The following NDUFA8 variants were observed in gnomAD, a reference collection of about 807,000 sequenced individuals.
The protein encoded by NDUFA8 is NADH:ubiquinone oxidoreductase subunit A8, also known as NADH dehydrogenase [ubiquinone] 1 alpha subcomplex subunit 8.
Under a neutral mutation model 20.9 loss-of-function variants are expected in NDUFA8, and 16 were observed. The observed-to-expected ratio is 0.77, with a 90% CI of 0.52 to 1.16. NDUFA8 has a LOEUF of 1.16. Ranked by LOEUF, NDUFA8 falls within the 50% of genes most tolerant of loss-of-function variation. The probability of loss-of-function intolerance (pLI) is 0.00; values close to 1 mark genes in which losing one functional copy is unlikely to be tolerated. For synonymous variants in NDUFA8, 70 were observed against 76.1 expected (o/e 0.92, Z 0.41); for missense variants, 202 against 216.4 (o/e 0.93, Z 0.42).
Position 122,146,323 on chromosome 9 carries a change from A to G in NDUFA8, c.381+1789T>C, listed in dbSNP as rs537789985. Among the ~76,000 whole-genome samples, 33 of 152,312 alleles carry G rather than the reference A, an allele frequency of 2.2e-4. No individual in the cohort carries two copies. The South Asian group carries it at 6.6e-3, about 31-fold the overall frequency. Reference sequence around the variant, plus strand: ...TTTTTTTTTATCTCACAGAGTTTTAAAAAATGTTAATACAAAGATTCAAGA... The same window carrying G: ...TTTTTTTTTATCTCACAGAGTTTTAGAAAATGTTAATACAAAGATTCAAGA... On this transcript the variant is annotated intron_variant, in intron 3 of 3. Transcript: ENST00000373768.
chr9:122,143,968 AG>A (rs200513252), downstream of NDUFA8: 15 of 943,328 alleles, frequency 1.6e-5, no homozygotes, highest in East Asian at 5.9e-4. Flanking sequence ...GCAAAGCAAG[AG>A]GAACAGGCAG....
At chr9:122,136,757 A>C in the NDUFA8 span, among the ~76,000 whole-genome samples, 2 of 152,058 alleles carry the variant, frequency 1.3e-5, no homozygotes, top group African/African-American at 4.8e-5. Flanking sequence ...GGGTTTCACC[A>C]TGTTGCCCAG....
At chr9:122,135,556 A>G in the NDUFA8 span, among the ~76,000 whole-genome samples, 1 of 152,184 alleles carries the variant, frequency 6.6e-6, no homozygotes, top group East Asian at 1.9e-4. Context: ...AGGGAAGCAA[A>G]GAGCCCGGGT....
At chr9:122,133,464 C>A in the NDUFA8 span, among the ~76,000 whole-genome samples, 1 of 152,160 alleles carries the variant, frequency 6.6e-6, no homozygotes, top group Non-Finnish European at 1.5e-5. Context: ...AGGCTTGAGA[C>A]CTAGAATTAA....
At chr9:122,147,801 T>C (rs1289543738) in intron 3 of NDUFA8, among the ~76,000 whole-genome samples, 4 of 152,058 alleles carry the variant, frequency 2.6e-5, no homozygotes, top group Non-Finnish European at 4.4e-5. Context: ...TAATTTTTTG[T>C]ATTTTTAGTA....
At chr9:122,142,130 C>A (rs1296120356), downstream of NDUFA8, among the ~76,000 whole-genome samples, 1 of 152,182 alleles carries the variant, frequency 6.6e-6, no homozygotes, top group Non-Finnish European at 1.5e-5. Context: ...GATCTATGGA[C>A]CAGTGCCCTT....
chr9:122,156,949 G>A (rs1048262222), intron 1 of NDUFA8, among the ~76,000 whole-genome samples: 13 of 152,192 alleles, frequency 8.5e-5, no homozygotes, highest in African/African-American at 2.9e-4. Context: ...AGCTGCTACC[G>A]TGATCTCCCT....
At chr9:122,137,715 A>C in the NDUFA8 span, among the ~76,000 whole-genome samples, 8,304 of 152,292 alleles carry the variant, frequency 0.055, 747 homozygotes, top group African/African-American at 0.19. Flanking sequence ...TCAAGAAAAC[A>C]TGAAAACTCC....
chr9:122,158,191 G>A (rs974608849), intron 1 of NDUFA8, among the ~76,000 whole-genome samples: 6 of 152,022 alleles, frequency 3.9e-5, no homozygotes, highest in African/African-American at 1.4e-4. Context: ...ACATAGTGCC[G>A]GGTATATCAT....
At chr9:122,138,865 T>TGG in the NDUFA8 span, among the ~76,000 whole-genome samples, 14,003 of 88,630 alleles carry the variant, frequency 0.16, 1,367 homozygotes, top group East Asian at 0.19. Flanking sequence ...CAAGAAGAGG[T>TGG]GGGGGGGGGG....
At chr9:122,143,862 C>T (rs1297178846), downstream of NDUFA8, among the ~76,000 whole-genome samples, 3 of 152,108 alleles carry the variant, frequency 2.0e-5, no homozygotes, top group Non-Finnish European at 2.9e-5. Flanking sequence ...ACAGACACAC[C>T]CCAAGGAGCT....
In NDUFA8 at chr9:122,152,616, C is replaced by T. The variant is rs1009515564; in HGVS notation, c.52-208G>A. ...CATTCCCCAGGCTGGAGTGCAGTGG[C>T]GCGATCTCGGCTTACTGCAACTTCG... On this transcript the variant is annotated intron_variant, in intron 1 of 3. Coordinates refer to ENST00000373768, the MANE Select transcript of NDUFA8 (RefSeq NM_014222.3). 8.1e-5 allele frequency among the ~76,000 whole-genome samples: 12 copies of T among 148,712 alleles called. No individual in the cohort carries two copies. In the East Asian group the frequency reaches 2.1e-3, roughly 27 times the overall value.
Position 122,144,191 on chromosome 9 carries a change from C to T in NDUFA8, c.*50G>A, listed in dbSNP as rs1828863306. On this transcript the variant is annotated 3_prime_UTR_variant, in exon 4 of 4. Coordinates refer to ENST00000373768, the MANE Select transcript of NDUFA8 (RefSeq NM_014222.3). ...TCGATGCAAACCGCATGGGCGTTTT[C>T]ATCAGTCGTTGTCTGAGCACATGAC... 4 of 1,612,208 alleles carry T rather than the reference C, an allele frequency of 2.5e-6. No individual in the cohort carries two copies. The highest frequency in any genetic ancestry group is 3.4e-6 in the Non-Finnish European group (4 of 1,179,870).
chr9:122,159,645 C>T lies in NDUFA8; in HGVS notation c.33G>A (p.Glu11=). 2 of 1,614,162 alleles carry T rather than the reference C, an allele frequency of 1.2e-6. No homozygotes were observed. The highest frequency in any genetic ancestry group is 1.7e-6 in the Non-Finnish European group (2 of 1,180,008). The part of the protein sequence containing the change: MPGIVELPTL[E]ELKVDEVKIS... ...GCCTCACCTCATCTACTTTCAGCTC[C>T]TCTAGAGTGGGCAGCTCCACTATCC... Residue 11 remains glutamate (E), a synonymous_variant, in exon 1 of 4, where the codon GAG becomes GAA. Transcript: ENST00000373768.
At chr9:122,145,426 G>A (rs1828891954) in intron 3 of NDUFA8, among the ~76,000 whole-genome samples, 1 of 152,156 alleles carries the variant, frequency 6.6e-6, no homozygotes, top group Non-Finnish European at 1.5e-5. Context: ...TAAAGATAAA[G>A]AAATAGGCCC....
At chr9:122,159,091 T>C (rs1227693153) in intron 1 of NDUFA8, among the ~76,000 whole-genome samples, 1 of 152,166 alleles carries the variant, frequency 6.6e-6, no homozygotes, top group Non-Finnish European at 1.5e-5. Flanking sequence ...ATGATATCTC[T>C]TGAATAAACG....
At chr9:122,154,948 G>T (rs1462214157) in intron 1 of NDUFA8, among the ~76,000 whole-genome samples, 1 of 152,150 alleles carries the variant, frequency 6.6e-6, no homozygotes, top group East Asian at 1.9e-4. Flanking sequence ...AACAGATTTT[G>T]TAAAACTGAT....
intron 1 of NDUFA8, among the ~76,000 whole-genome samples, chr9:122,153,631 G>C (rs922451181): frequency 3.3e-5 from 5 of 152,134 alleles, no homozygotes; most frequent in African/African-American, 1.2e-4. Flanking sequence ...GAGACCTGTG[G>C]TCCCTTTTCT....
intron 2 of NDUFA8, among the ~76,000 whole-genome samples, chr9:122,151,680 G>T (rs1309922608): frequency 6.6e-6 from 1 of 152,214 alleles, no homozygotes; most frequent in Non-Finnish European, 1.5e-5. Flanking sequence ...CCTATTTCTG[G>T]ACTTCAGAGT....
Sources: gnomAD v4.1 joint callset for allele counts (sites outside exome capture counted in the v4.1 genomes callset) on GRCh38, gnomAD v4.1.1 for gene constraint, MANE v1.5 for transcripts, NCBI Gene and HGNC (gene_info 2026-07-23, HGNC 2026-07-21) for gene names.